Variants in ABCA12 observed in about 807,000 individuals in gnomAD.
ABCA12 encodes ATP binding cassette subfamily A member 12.
A neutral mutation model predicts 293.5 loss-of-function variants in ABCA12; 156 were observed. The ratio of observed to expected loss-of-function variants is 0.53; its 90% CI spans 0.47 to 0.61. The LOEUF (loss-of-function observed/expected upper bound fraction) is 0.61. Among genes scored for constraint, ABCA12 ranks in the 20% least tolerant of loss-of-function variants. The probability of loss-of-function intolerance (pLI) is 0.00; values close to 1 mark genes in which losing one functional copy is unlikely to be tolerated. For synonymous variants in ABCA12, 1,063 were observed against 1,108.0 expected (o/e 0.96, Z 0.81); for missense variants, 2,797 against 3,090.2 (o/e 0.91, Z 2.25).
At position 214,967,309 on chromosome 2, in the gene ABCA12, A is replaced by G. The variant is rs539505441; in HGVS notation, c.5779-356T>C. On this transcript the variant is annotated intron_variant, in intron 38 of 52. Coordinates refer to ENST00000272895, the MANE Select transcript of ABCA12 (RefSeq NM_173076.3). ...TAGAACTAAGGTATCCTGGCTGCCA[A>G]TAATGGTAATAAAAACTAATGGAAT... Among the ~76,000 whole-genome samples the G allele has an allele frequency of 1.1e-4, 17 of 152,300 alleles. No homozygotes were observed. In the East Asian group the frequency reaches 2.9e-3, roughly 26 times the overall value.
chr2:215,004,507 A>G (rs1264734698), intron 19 of ABCA12, among the ~76,000 whole-genome samples: 3 of 152,212 alleles, frequency 2.0e-5, no homozygotes, highest in East Asian at 1.9e-4. Context: ...TTGCTTGTCT[A>G]TAGATACAAA....
At chr2:214,978,697 T>A in intron 32 of ABCA12, 107 bp downstream of exon 32, 1 of 1,294,716 alleles carries the variant, frequency 7.7e-7, no homozygotes, top group Non-Finnish European at 1.1e-6. Context: ...GCTTTTCTAA[T>A]TTTGTGAACT....
chr2:215,029,328 GC>G (rs1192437506), intron 9 of ABCA12: 2 of 152,192 alleles, frequency 1.3e-5, no homozygotes, highest in African/African-American at 4.8e-5. Context: ...TCTGAGAAGT[GC>G]CCAATGAGGC....
chr2:214,983,649 T>G lies in ABCA12; in HGVS notation c.4380A>C (p.Lys1460Asn). The G allele has an allele frequency of 1.9e-6, 3 of 1,614,026 alleles. No homozygotes were observed. Among genetic ancestry groups the G allele is most frequent in the Non-Finnish European group, 2.5e-6 (3 of 1,179,914 alleles). ...WTKKQLHEEV[K>N]RTLKDTGLYS... ...TTCTCATTCCTGTCTTAACTTGCCTTTTTACTTCCTCGTGGAGCTGCTTTT... is the reference window on the plus strand; with the variant it reads ...TTCTCATTCCTGTCTTAACTTGCCTGTTTACTTCCTCGTGGAGCTGCTTTT... Residue 1460 changes from lysine to asparagine, a missense_variant and splice_region_variant, in exon 29 of 53, where the codon AAA (lysine) becomes AAC (asparagine). Coordinates refer to ENST00000272895, the MANE Select transcript of ABCA12 (RefSeq NM_173076.3).
chr2:215,106,923 A>G (rs1702474625), intron 2 of ABCA12, among the ~76,000 whole-genome samples: 1 of 152,182 alleles, frequency 6.6e-6, no homozygotes. Context: ...TTCACATGCA[A>G]GATGGGCTGA....
intron 1 of ABCA12, among the ~76,000 whole-genome samples, chr2:215,128,837 G>A (rs1377181838): frequency 6.6e-6 from 1 of 152,148 alleles, no homozygotes; most frequent in Non-Finnish European, 1.5e-5. Context: ...CATTGCTGGT[G>A]AACTAGTGTG....
In ABCA12 at chr2:215,089,826, T is replaced by G. The variant is rs141684242; in HGVS notation, c.163+21771A>C. On this transcript the variant is annotated intron_variant, in intron 2 of 52. Transcript: ENST00000272895. Reference sequence around the variant, plus strand: ...TTTTTTCCTCCAAACACTAGACCAGTTTTTTAAAGCATGAACTGCAACAAA... The same window carrying G: ...TTTTTTCCTCCAAACACTAGACCAGGTTTTTAAAGCATGAACTGCAACAAA... Among the ~76,000 whole-genome samples, 1,366 of 152,268 alleles carry G rather than the reference T, an allele frequency of 9.0e-3. 41 individuals carry two copies. Among genetic ancestry groups the G allele is most frequent in the Admixed American group, 0.064 (979 of 15,276 alleles).
At chr2:215,051,241 G>C (rs563753966) in intron 5 of ABCA12, among the ~76,000 whole-genome samples, 1 of 152,126 alleles carries the variant, frequency 6.6e-6, no homozygotes, top group South Asian at 2.1e-4. Context: ...GAATTAACTG[G>C]GCATATTGAG....
At chr2:214,972,610 G>C (rs1699411401) in intron 36 of ABCA12, among the ~76,000 whole-genome samples, 1 of 151,978 alleles carries the variant, frequency 6.6e-6, no homozygotes, top group Admixed American at 6.6e-5. Flanking sequence ...GTCTCACTGT[G>C]TTGCCCAAGC....
At chr2:215,134,527 C>T (rs190501309) in intron 1 of ABCA12, among the ~76,000 whole-genome samples, 55 of 126,228 alleles carry the variant, frequency 4.4e-4, no homozygotes, top group African/African-American at 1.4e-3. Context: ...TGTATATATA[C>T]GTATATATGT....
intron 2 of ABCA12, among the ~76,000 whole-genome samples, chr2:215,077,087 G>A (rs1405320568): frequency 6.6e-6 from 1 of 152,042 alleles, no homozygotes; most frequent in South Asian, 2.1e-4. Flanking sequence ...GTTTACACAG[G>A]GGCCTCCAAG....
At chr2:215,063,177 G>A (rs781084727) in intron 3 of ABCA12, among the ~76,000 whole-genome samples, 21 of 151,870 alleles carry the variant, frequency 1.4e-4, no homozygotes, top group South Asian at 2.1e-4. Context: ...TTTGATAAAC[G>A]GGTTGCAGTT....
intron 29 of ABCA12, among the ~76,000 whole-genome samples, chr2:214,982,880 T>C (rs1699699610): frequency 6.6e-6 from 1 of 152,012 alleles, no homozygotes; most frequent in African/African-American, 2.4e-5. Context: ...AATAAAGCAG[T>C]GAATATAAGA....
chr2:215,023,198 G>A (rs1043748936), intron 11 of ABCA12: 1 of 152,186 alleles, frequency 6.6e-6, no homozygotes, highest in Non-Finnish European at 1.5e-5. Flanking sequence ...TGAAACTCTA[G>A]GAGTTTGTCT....
chr2:215,058,434 C>A (rs1251556841), intron 3 of ABCA12, among the ~76,000 whole-genome samples: 1 of 151,996 alleles, frequency 6.6e-6, no homozygotes, highest in Non-Finnish European at 1.5e-5. Context: ...GTCCCCATGA[C>A]CAAACCAAAT....
chr2:215,033,414 T>C (rs1184882449), intron 8 of ABCA12, among the ~76,000 whole-genome samples: 7 of 152,180 alleles, frequency 4.6e-5, no homozygotes, highest in African/African-American at 1.7e-4. Flanking sequence ...ATAGAGTTTC[T>C]CTTTTTCGTC....
chr2:214,983,602 T>C (rs1017206905), intron 29 of ABCA12, 45 bp downstream of exon 29: 35 of 1,542,820 alleles, frequency 2.3e-5, no homozygotes, highest in Non-Finnish European at 2.8e-5. Context: ...TATGGGTCTT[T>C]GAGAGGAGTT....
chr2:215,123,488 C>T (rs1204363071), intron 1 of ABCA12, among the ~76,000 whole-genome samples: 2 of 152,156 alleles, frequency 1.3e-5, no homozygotes, highest in African/African-American at 4.8e-5. Context: ...TTTTCTTTAT[C>T]CAATGAACTG....
rs759737171 is a variant in ABCA12, at chr2:214,953,900, A to G, written c.6601T>C (p.Phe2201Leu). The change falls in exon 44 of 53, where the codon TTT (phenylalanine) becomes CTT (leucine). Residue 2201 changes from phenylalanine to leucine, a missense_variant. Coordinates refer to ENST00000272895, the MANE Select transcript of ABCA12 (RefSeq NM_173076.3). ...VALVSQGTMF[F>L]SLRLLINESL... is the part of the protein sequence containing the mutation. ...TCGTTGATTAAGAGTCGCAAGGAAA[A>G]AAACATGGTGCCCTGAGAAACCAAA... The G allele has an allele frequency of 1.2e-6, 2 of 1,613,908 alleles. No homozygotes were observed. Among genetic ancestry groups the G allele is most frequent in the Admixed American group, 1.7e-5 (1 of 59,990 alleles).
Sources: gnomAD v4.1 joint callset for allele counts (sites outside exome capture counted in the v4.1 genomes callset) on GRCh38, gnomAD v4.1.1 for gene constraint, MANE v1.5 for transcripts, NCBI Gene and HGNC (gene_info 2026-07-23, HGNC 2026-07-21) for gene names.